The following PCDH9 variants were observed in gnomAD, a reference collection of about 807,000 sequenced individuals.
PCDH9 encodes the protein protocadherin 9.
A neutral mutation model predicts 70.6 loss-of-function variants in PCDH9; 24 were observed. The ratio of observed to expected loss-of-function variants is 0.34; its 90% CI spans 0.25 to 0.48. The LOEUF (loss-of-function observed/expected upper bound fraction) is 0.48, where lower values mean the gene tolerates loss of function less well. PCDH9 is among the 20% of genes least tolerant of loss of function. PCDH9 has a pLI of 0.99. For synonymous variants in PCDH9, 562 were observed against 558.5 expected (o/e 1.01, Z -0.09); for missense variants, 1,281 against 1,503.6 (o/e 0.85, Z 2.45).
At chr13:66,584,385 C>G (rs1444254936) in intron 4 of PCDH9, among the ~76,000 whole-genome samples, 1 of 152,128 alleles carries the variant, frequency 6.6e-6, no homozygotes, top group Non-Finnish European at 1.5e-5. Context: ...CACAAAAGCA[C>G]CAATTCCAAG....
At chr13:66,795,185 T>C (rs2080222625) in intron 3 of PCDH9, among the ~76,000 whole-genome samples, 1 of 152,160 alleles carries the variant, frequency 6.6e-6, no homozygotes, top group Non-Finnish European at 1.5e-5. Context: ...TATTTGGAAT[T>C]TGTTTAGTTT....
chr13:66,555,986 G>T (rs1961723835), intron 4 of PCDH9, among the ~76,000 whole-genome samples: 1 of 148,024 alleles, frequency 6.8e-6, no homozygotes, highest in African/African-American at 2.5e-5. Context: ...AAATAAATAT[G>T]CTGAAAAGTG....
At chr13:67,070,787 T>TA (rs2085746746) in intron 2 of PCDH9, among the ~76,000 whole-genome samples, 1 of 152,182 alleles carries the variant, frequency 6.6e-6, no homozygotes, top group South Asian at 2.1e-4. Flanking sequence ...TTCTGGAATG[T>TA]AAAATCTAAT....
At chr13:66,679,729 G>C (rs1289306001) in intron 3 of PCDH9, among the ~76,000 whole-genome samples, 1 of 151,808 alleles carries the variant, frequency 6.6e-6, no homozygotes, top group Non-Finnish European at 1.5e-5. Flanking sequence ...AGACATAATT[G>C]TTTTTAGTAA....
At chr13:66,425,526 G>A (rs1957653732) in intron 4 of PCDH9, among the ~76,000 whole-genome samples, 5 of 150,562 alleles carry the variant, frequency 3.3e-5, no homozygotes, top group African/African-American at 2.4e-5. Context: ...CTTCACTCCA[G>A]TAGTTGCAGA....
intron 2 of PCDH9, among the ~76,000 whole-genome samples, chr13:67,117,637 A>T (rs4883794): frequency 0.17 from 26,230 of 152,076 alleles, 2,630 homozygotes; most frequent in Admixed American, 0.24. Flanking sequence ...TACCCATGCT[A>T]TGAAATTATA....
chr13:66,607,986 G>C (rs1351010770), intron 4 of PCDH9, among the ~76,000 whole-genome samples: 9 of 152,068 alleles, frequency 5.9e-5, no homozygotes, highest in African/African-American at 9.6e-5. Flanking sequence ...GGAAGCAACT[G>C]AGTAAAAATT....
intron 4 of PCDH9, among the ~76,000 whole-genome samples, chr13:66,629,139 T>C (rs1009273594): frequency 6.6e-6 from 1 of 152,236 alleles, no homozygotes; most frequent in South Asian, 2.1e-4. Context: ...TCTTATTCAT[T>C]GTAAATATTC....
chr13:67,026,294 G>A (rs1004703248), intron 2 of PCDH9, among the ~76,000 whole-genome samples: 1 of 152,138 alleles, frequency 6.6e-6, no homozygotes, highest in East Asian at 1.9e-4. Flanking sequence ...AAGGATATTG[G>A]TCTAAAATTC....
At chr13:66,493,410 CTT>C (rs1959064775) in intron 4 of PCDH9, among the ~76,000 whole-genome samples, 1 of 152,110 alleles carries the variant, frequency 6.6e-6, no homozygotes, top group Non-Finnish European at 1.5e-5. Flanking sequence ...TATTAGTAAA[CTT>C]AGCACATATC....
chr13:66,875,562 G>T (rs1014477479), intron 3 of PCDH9, among the ~76,000 whole-genome samples: 1 of 152,150 alleles, frequency 6.6e-6, no homozygotes, highest in Non-Finnish European at 1.5e-5. Context: ...AGTTTGGGCA[G>T]TTTCCATTCC....
At chr13:66,619,318 A>C (rs182107990) in intron 4 of PCDH9, among the ~76,000 whole-genome samples, 3 of 152,294 alleles carry the variant, frequency 2.0e-5, no homozygotes, top group African/African-American at 7.2e-5. Context: ...TTTACTATTA[A>C]TTTTATTAGT....
At chr13:66,698,874 A>G (rs992573281) in intron 3 of PCDH9, among the ~76,000 whole-genome samples, 1 of 148,136 alleles carries the variant, frequency 6.8e-6, no homozygotes, top group African/African-American at 2.5e-5. Context: ...GAGGTGAGAC[A>G]CTTCGCCCGG....
chr13:67,216,558 C>CA (rs888589051), intron 2 of PCDH9: 1 of 150,636 alleles, frequency 6.6e-6, no homozygotes, highest in African/African-American at 2.4e-5. Flanking sequence ...AAACTCAATA[C>CA]AAAAAATAGC....
intron 2 of PCDH9, chr13:67,223,891 T>A (rs988658732): frequency 6.6e-6 from 1 of 152,188 alleles, no homozygotes; most frequent in East Asian, 1.9e-4. Context: ...TATGGTAATA[T>A]GTATTATACT....
chr13:67,150,695 A>G (rs1265114487), intron 2 of PCDH9, among the ~76,000 whole-genome samples: 3 of 152,192 alleles, frequency 2.0e-5, no homozygotes. Flanking sequence ...AACCATTTGC[A>G]ACTAACATAA....
At chr13:66,478,065 C>G (rs1958765677) in intron 4 of PCDH9, among the ~76,000 whole-genome samples, 1 of 152,150 alleles carries the variant, frequency 6.6e-6, no homozygotes, top group Non-Finnish European at 1.5e-5. Context: ...ACTTCTGTCT[C>G]TGTGTCACAT....
intron 2 of PCDH9, among the ~76,000 whole-genome samples, chr13:66,958,960 TCTATA>T (rs1233070538): frequency 6.6e-6 from 1 of 152,226 alleles, no homozygotes; most frequent in African/African-American, 2.4e-5. Flanking sequence ...TGCTGTTGTT[TCTATA>T]CTAAACTCAA....
At chr13:66,757,379 A>G (rs1318581903) in intron 3 of PCDH9, among the ~76,000 whole-genome samples, 1 of 152,148 alleles carries the variant, frequency 6.6e-6, no homozygotes, top group Non-Finnish European at 1.5e-5. Context: ...TGACTAAATT[A>G]TTTTTAGGTA....
Sources: gnomAD v4.1 joint callset for allele counts (sites outside exome capture counted in the v4.1 genomes callset) on GRCh38, gnomAD v4.1.1 for gene constraint, MANE v1.5 for transcripts, NCBI Gene and HGNC (gene_info 2026-07-23, HGNC 2026-07-21) for gene names.